The following ZC3H12C variants were observed in gnomAD, a reference collection of about 807,000 sequenced individuals.
ZC3H12C encodes the protein zinc finger CCCH-type containing 12C.
ZC3H12C carries 20 observed loss-of-function variants against 76.3 expected under a neutral mutation model. The observed-to-expected ratio is 0.26, with a 90% CI of 0.18 to 0.38. ZC3H12C has a LOEUF of 0.38. Among genes scored for constraint, ZC3H12C ranks in the 10% least tolerant of loss-of-function variants. The pLI is 1.00. For synonymous variants in ZC3H12C, 352 were observed against 399.6 expected (o/e 0.88, Z 1.42); for missense variants, 874 against 1,086.5 (o/e 0.80, Z 2.75).
At chr11:110,148,803 G>T (rs1043468468) in intron 2 of ZC3H12C, among the ~76,000 whole-genome samples, 1 of 152,204 alleles carries the variant, frequency 6.6e-6, no homozygotes, top group East Asian at 1.9e-4. Flanking sequence ...CTATTTATAA[G>T]CAATTAAAGC....
chr11:110,120,609 A>G (rs1861635464), intron 1 of ZC3H12C, among the ~76,000 whole-genome samples: 1 of 152,212 alleles, frequency 6.6e-6, no homozygotes, highest in African/African-American at 2.4e-5. Context: ...ATTTTTCACC[A>G]TTCTCCCTGC....
chr11:110,130,033 A>G (rs968436531), intron 1 of ZC3H12C, among the ~76,000 whole-genome samples: 2 of 152,216 alleles, frequency 1.3e-5, no homozygotes, highest in African/African-American at 4.8e-5. Flanking sequence ...CTGAGCTGAA[A>G]TTTGAGTATT....
intron 1 of ZC3H12C, among the ~76,000 whole-genome samples, chr11:110,135,136 T>C (rs965294576): frequency 2.6e-5 from 4 of 152,130 alleles, no homozygotes. Flanking sequence ...CAGTCTGAAA[T>C]TCAACTATCG....
chr11:110,121,259 G>A (rs181230811), intron 1 of ZC3H12C, among the ~76,000 whole-genome samples: 152 of 152,306 alleles, frequency 1.0e-3, no homozygotes, highest in African/African-American at 3.5e-3. Flanking sequence ...GGTATTGGAA[G>A]GCTATTATTG....
chr11:110,136,141 A>C (rs1861954963), intron 1 of ZC3H12C: 1 of 152,454 alleles, frequency 6.6e-6, no homozygotes, highest in African/African-American at 2.4e-5. Flanking sequence ...CTTCATCCAG[A>C]TTAATAATGA....
intron 5 of ZC3H12C, among the ~76,000 whole-genome samples, chr11:110,163,828 G>C (rs1862525365): frequency 6.6e-6 from 1 of 152,200 alleles, no homozygotes. Flanking sequence ...GCTGGGTGCA[G>C]TGGCTCAAAT....
chr11:110,104,979 A>C (rs1232269841), intron 1 of ZC3H12C, among the ~76,000 whole-genome samples: 1 of 152,168 alleles, frequency 6.6e-6, no homozygotes, highest in African/African-American at 2.4e-5. Context: ...GGTTTTTCAA[A>C]GAGATTTCAA....
At chr11:110,121,686 T>C (rs1861653706) in intron 1 of ZC3H12C, among the ~76,000 whole-genome samples, 1 of 152,186 alleles carries the variant, frequency 6.6e-6, no homozygotes, top group African/African-American at 2.4e-5. Context: ...TGTGAGGCCA[T>C]TGGAAATTAT....
chr11:110,160,840 G>GT (rs897701486), intron 4 of ZC3H12C, among the ~76,000 whole-genome samples: 4 of 151,950 alleles, frequency 2.6e-5, no homozygotes, highest in African/African-American at 7.2e-5. Flanking sequence ...GTTTTCTTTT[G>GT]TTTTTTTGTT....
chr11:110,165,366 CCTT>C lies in ZC3H12C; in HGVS notation c.2283_2285del (p.Ser762del). On this transcript the variant is annotated inframe_deletion, in exon 6 of 6. Transcript: ENST00000278590. ...TGACTCTCGACTTTATGACAGTTCT[CCTT>C]CACGACAAAGAAAGCCTTATTCCCG... is the stretch of plus-strand genomic sequence containing the variant. The C allele has an allele frequency of 6.2e-7, 1 of 1,613,846 alleles. No homozygotes were observed. Among genetic ancestry groups the C allele is most frequent in the Non-Finnish European group, 8.5e-7 (1 of 1,179,756 alleles).
rs1861982494 is a variant in ZC3H12C, at chr11:110,137,257, A to G, written c.616A>G (p.Ser206Gly). ...AGAACTTGTCAAACTTGGAAATAAAAGTGAGGCTGATCAAACGGTTAGTAC... is the reference window on the plus strand; with the variant it reads ...AGAACTTGTCAAACTTGGAAATAAAGGTGAGGCTGATCAAACGGTTAGTAC... ...LGELVKLGNK[S>G]EADQTVSTIN... The change falls in exon 2 of 6, where the codon AGT becomes GGT. Residue 206 changes from serine to glycine, a missense_variant. By Grantham distance (56) the Ser-to-Gly change is moderately conservative. This residue lies in a region of ZC3H12C where 269 missense variants were observed against 424.9 expected (regional missense o/e 0.63). Transcript: ENST00000278590. 5 of 1,613,956 alleles carry G rather than the reference A, an allele frequency of 3.1e-6. No individual in the cohort carries two copies. The highest frequency in any genetic ancestry group is 4.2e-6 in the Non-Finnish European group (5 of 1,179,864).
Position 110,165,388 on chromosome 11 carries a change from A to T in ZC3H12C, c.2303A>T (p.Tyr768Phe), listed in dbSNP as rs142559114. 6.2e-7 allele frequency: 1 copy of T among 1,613,902 alleles called. No individual in the cohort carries two copies. Among genetic ancestry groups the T allele is most frequent in the African/African-American group, 1.3e-5 (1 of 74,926 alleles). Residue 768 changes from tyrosine to phenylalanine, a missense_variant, in exon 6 of 6, where the codon TAT becomes TTT. Around this residue, in one of 3 missense-constraint regions of ZC3H12C, gnomAD observed 395 missense variants for 434.4 expected, o/e 0.91. Coordinates refer to ENST00000278590, the MANE Select transcript of ZC3H12C (RefSeq NM_033390.2). ...DSSPSRQRKP[Y>F]SRQEGLGSWE... ...TCTCCTTCACGACAAAGAAAGCCTT[A>T]TTCCCGCCAGGAAGGCCTGGGAAGC...
At position 110,171,517 on chromosome 11, in the gene ZC3H12C, T is replaced by C. The variant is rs1488936508; in HGVS notation, c.*5780T>C. 1 of 152,244 alleles carries C rather than the reference T, an allele frequency of 6.6e-6. No homozygotes were observed. The highest frequency in any genetic ancestry group is 1.5e-5 in the Non-Finnish European group (1 of 68,044). 9.4% of individuals were successfully genotyped at this position (152,244 alleles called of 1,614,324 possible). ...TGTTCTGTGTATTTCTGTAATGGAA[T>C]CTTTACAATTCCCAAAACGGTATTT... is the stretch of plus-strand genomic sequence containing the variant. On this transcript the variant is annotated 3_prime_UTR_variant, in exon 6 of 6. Coordinates refer to ENST00000278590, the MANE Select transcript of ZC3H12C (RefSeq NM_033390.2).
intron 2 of ZC3H12C, among the ~76,000 whole-genome samples, chr11:110,150,837 T>A (rs1299464550): frequency 2.0e-5 from 3 of 152,136 alleles, no homozygotes; most frequent in Non-Finnish European, 4.4e-5. Context: ...GACTATAGCT[T>A]CCTATTAACT....
chr11:110,143,590 T>A (rs1447229182), intron 2 of ZC3H12C, among the ~76,000 whole-genome samples: 1 of 152,106 alleles, frequency 6.6e-6, no homozygotes, highest in Admixed American at 6.6e-5. Context: ...TAACTATATC[T>A]AAACTGGAAG....
chr11:110,104,301 C>T (rs903491219), intron 1 of ZC3H12C, among the ~76,000 whole-genome samples: 1 of 151,944 alleles, frequency 6.6e-6, no homozygotes, highest in Non-Finnish European at 1.5e-5. Context: ...TCACATAATC[C>T]ACTTTGGGAT....
rs1862642244 is a variant in ZC3H12C, at chr11:110,169,676, C to A, written c.*3939C>A. 1.3e-5 allele frequency: 2 copies of A among 151,980 alleles called. No individual in the cohort carries two copies. Among genetic ancestry groups the A allele is most frequent in the South Asian group, 2.1e-4 (1 of 4,826 alleles). The allele number at this position is 151,980 out of a possible 1,614,324, so 9.4% of individuals were successfully genotyped here. A position where few individuals can be genotyped will look rare whatever the true frequency, so the allele number is the denominator to read the frequency against. On this transcript the variant is annotated 3_prime_UTR_variant, in exon 6 of 6. Coordinates refer to ENST00000278590, the MANE Select transcript of ZC3H12C (RefSeq NM_033390.2). Reference sequence around the variant, plus strand: ...GTTAAGTTTCCAAGGTATACACCAACAAATAAAATGAGGTATTAAAAAGAG... The same window carrying A: ...GTTAAGTTTCCAAGGTATACACCAAAAAATAAAATGAGGTATTAAAAAGAG...
chr11:110,098,744 T>C (rs1861160340), intron 1 of ZC3H12C, among the ~76,000 whole-genome samples: 1 of 152,256 alleles, frequency 6.6e-6, no homozygotes, highest in Admixed American at 6.5e-5. Flanking sequence ...AGCCATAGGC[T>C]ATACCATATA....
chr11:110,102,498 T>G (rs1009059806), intron 1 of ZC3H12C, among the ~76,000 whole-genome samples: 1 of 152,106 alleles, frequency 6.6e-6, no homozygotes, highest in African/African-American at 2.4e-5. Flanking sequence ...TGAGGAGTTG[T>G]GTCTTCTGGA....
Sources: allele counts gnomAD v4.1 joint callset (sites outside exome capture counted in the v4.1 genomes callset), GRCh38; gene constraint gnomAD v4.1.1; regional missense constraint gnomAD v4.1.1; transcripts MANE v1.5; gene names NCBI Gene and HGNC (gene_info 2026-07-23, HGNC 2026-07-21).